SVEP1: variants seen among roughly 807,000 people sequenced by gnomAD.
The protein encoded by SVEP1 is sushi, von Willebrand factor type A, EGF and pentraxin domain-containing protein 1.
A neutral mutation model predicts 367.3 loss-of-function variants in SVEP1; 164 were observed. The ratio of observed to expected loss-of-function variants is 0.45; its 90% confidence interval spans 0.39 to 0.51. The LOEUF (loss-of-function observed/expected upper bound fraction) is 0.51, where lower values mean the gene tolerates loss of function less well. Among genes scored for constraint, SVEP1 ranks in the 20% least tolerant of loss-of-function variants. The pLI is 0.00. For synonymous variants in SVEP1, 1,666 were observed against 1,611.6 expected, an observed-to-expected ratio of 1.03 and a Z score of -0.81; for missense variants, 4,117 against 4,425.3, an observed-to-expected ratio of 0.93 and a Z score of 1.98.
intron 40 of SVEP1, among the ~76,000 whole-genome samples, chr9:110,393,533 T>A (rs10759428): frequency 6.6e-6 from 1 of 152,002 alleles, no homozygotes; most frequent in Non-Finnish European, 1.5e-5. Context: ...TGCAGTGCAC[T>A]GTGCACAAGC....
intron 2 of SVEP1, among the ~76,000 whole-genome samples, chr9:110,547,105 C>T (rs1830230090): frequency 6.6e-6 from 1 of 152,172 alleles, no homozygotes; most frequent in Non-Finnish European, 1.5e-5. Context: ...TGCAATTGGA[C>T]ACCTTGGAAG....
chr9:110,471,223 C>T (rs1359879545), intron 16 of SVEP1, 141 bp downstream of exon 16: 5 of 691,562 alleles, frequency 7.2e-6, no homozygotes, highest in African/African-American at 3.6e-5. Context: ...ACTCTTGAGA[C>T]AAAATAGTAA....
At position 110,415,690 on chromosome 9, in the gene SVEP1, C is replaced by T. The variant is rs536642243; in HGVS notation, c.5976-3955G>A. 2.6e-5 allele frequency among the ~76,000 whole-genome samples: 4 copies of T among 152,128 alleles called. No homozygotes were observed. The South Asian group carries it at 8.3e-4, about 32-fold the overall frequency. On this transcript the variant is annotated intron_variant, in intron 36 of 47. Transcript: ENST00000374469. ...ATGAGTGCTGACTTCTTGTTCTGCT[C>T]TACAACAGTCTGAAAACCCTCCCTC...
chr9:110,518,186 G>A (rs1411125351), intron 3 of SVEP1, among the ~76,000 whole-genome samples: 1 of 152,112 alleles, frequency 6.6e-6, no homozygotes, highest in Non-Finnish European at 1.5e-5. Context: ...ACTTTGGGAG[G>A]ATAAGGCGGG....
chr9:110,426,828 G>C (rs573932100), intron 36 of SVEP1, among the ~76,000 whole-genome samples: 2 of 152,064 alleles, frequency 1.3e-5, no homozygotes, highest in African/African-American at 4.8e-5. Context: ...TTCGTAATTT[G>C]TTACCTGGTT....
At chr9:110,482,060 T>G (rs543197056) in intron 11 of SVEP1, among the ~76,000 whole-genome samples, 1 of 152,276 alleles carries the variant, frequency 6.6e-6, no homozygotes, top group Non-Finnish European at 1.5e-5. Context: ...GATAACATTG[T>G]GCAGCAAATA....
chr9:110,408,085 C>G lies in SVEP1; in HGVS notation c.7515G>C (p.Leu2505Phe), dbSNP rs757500235. The G allele has an allele frequency of 2.5e-6, 4 of 1,613,366 alleles. No individual in the cohort carries two copies. In the Admixed American group the frequency reaches 6.7e-5, roughly 27 times the overall value. The change falls in exon 38 of 48, where the codon TTG becomes TTC. Residue 2505 changes from leucine (L) to phenylalanine (F), a missense_variant. Leu to Phe is a conservative substitution (Grantham distance 22). Around this residue, in one of 4 missense-constraint regions of SVEP1, gnomAD observed 1,765 missense variants for 1,781.1 expected, o/e 0.99. Coordinates refer to ENST00000374469, the MANE Select transcript of SVEP1 (RefSeq NM_153366.4). ...GGTCCGTGTAAGAGAATTTGCCATTCAAAATCTCCTTGGGTTTCAGGCACT... is the reference window on the plus strand; with the variant it reads ...GGTCCGTGTAAGAGAATTTGCCATTGAAAATCTCCTTGGGTTTCAGGCACT... Reference protein sequence around the residue: ...AIECLKPKEILNGKFSYTDLH... With the variant: ...AIECLKPKEIFNGKFSYTDLH...
At chr9:110,551,923 C>T (rs1310750435) in intron 1 of SVEP1, among the ~76,000 whole-genome samples, 3 of 152,008 alleles carry the variant, frequency 2.0e-5, no homozygotes, top group African/African-American at 4.8e-5. Context: ...GCATAGAGGT[C>T]CCCAGGTCCT....
intron 22 of SVEP1, among the ~76,000 whole-genome samples, chr9:110,453,808 G>T (rs2118621388): frequency 6.6e-6 from 1 of 151,720 alleles, no homozygotes; most frequent in East Asian, 1.9e-4. Flanking sequence ...GGCAGAGGTT[G>T]TAGTGAGCCG....
Position 110,375,287 on chromosome 9 carries a change from AGTCT to A in SVEP1, c.10600+77_10600+80del, listed in dbSNP as rs939426296. 2.4e-5 allele frequency: 16 copies of A among 674,306 alleles called. 1 individual carries two copies. Among genetic ancestry groups the A allele is most frequent in the Middle Eastern group, 4.3e-4 (1 of 2,320 alleles). 41.8% of individuals were successfully genotyped at this position (674,306 alleles called of 1,614,324 possible). On this transcript the variant is annotated intron_variant, in intron 46 of 47. Coordinates refer to ENST00000374469, the MANE Select transcript of SVEP1 (RefSeq NM_153366.4). ...CTTTTTCATTTTGCCACCACTTCTG[AGTCT>A]AAGTCACACTCTTCAATGTCCTCTG...
chr9:110,397,830 A>G (rs1473963259), intron 40 of SVEP1, among the ~76,000 whole-genome samples: 1 of 152,144 alleles, frequency 6.6e-6, no homozygotes, highest in African/African-American at 2.4e-5. Context: ...CCACTGCTCA[A>G]TGAAATAAAA....
intron 27 of SVEP1, among the ~76,000 whole-genome samples, chr9:110,438,342 C>T (rs1828462683): frequency 6.6e-6 from 1 of 151,782 alleles, no homozygotes; most frequent in Admixed American, 6.6e-5. Context: ...AGGTATGCAC[C>T]ACCATATCCG....
chr9:110,539,626 C>T (rs371517641), intron 3 of SVEP1, among the ~76,000 whole-genome samples: 1 of 95,554 alleles, frequency 1.0e-5, no homozygotes, highest in Admixed American at 1.1e-4. Context: ...TATATATATA[C>T]ACATATATGT....
chr9:110,432,543 T>C lies in SVEP1; in HGVS notation c.5152A>G (p.Asn1718Asp). The change falls in exon 31 of 48, where the codon AAT (asparagine) becomes GAT (aspartate). Residue 1718 changes from asparagine to aspartate, a missense_variant. By Grantham distance (23) the Asn-to-Asp change is conservative. Coordinates refer to ENST00000374469, the MANE Select transcript of SVEP1 (RefSeq NM_153366.4). Reference protein sequence around the residue: ...AGSTVTYQCNNGYYLLGDSRM... With the variant: ...AGSTVTYQCNDGYYLLGDSRM... The stretch of plus-strand genomic sequence containing the variant: ...GAGTCACCCAATAGATAGTAGCCAT[T>C]GTTGCACTGGTAGGTTACTGTGCTG... 3 of 1,613,934 alleles carry C rather than the reference T, an allele frequency of 1.9e-6. No homozygotes were observed. Among genetic ancestry groups the C allele is most frequent in the Non-Finnish European group, 2.5e-6 (3 of 1,179,828 alleles).
Position 110,389,552 on chromosome 9 carries a change from C to T in SVEP1, c.9858G>A (p.Gln3286=), listed in dbSNP as rs1827593006. ...NRERVCQENR[Q]WSGGVAICKE... Reference sequence around the variant, plus strand: ...TGCATATTGCCACCCCTCCACTCCACTGTCTGTTCTCCTGGCAGACACGTT... The same window carrying T: ...TGCATATTGCCACCCCTCCACTCCATTGTCTGTTCTCCTGGCAGACACGTT... Residue 3286 remains glutamine (Q), a synonymous_variant, in exon 41 of 48, where the codon CAG becomes CAA. Coordinates refer to ENST00000374469, the MANE Select transcript of SVEP1 (RefSeq NM_153366.4). The T allele has an allele frequency of 3.1e-6, 5 of 1,613,842 alleles. No individual in the cohort carries two copies. The highest frequency in any genetic ancestry group is 4.2e-6 in the Non-Finnish European group (5 of 1,179,828).
intron 9 of SVEP1, among the ~76,000 whole-genome samples, chr9:110,484,124 T>C (rs1293980066): frequency 6.6e-5 from 10 of 152,150 alleles, no homozygotes; most frequent in Admixed American, 5.2e-4. Flanking sequence ...CAAGGGCTAA[T>C]AGATGGCTAA....
intron 40 of SVEP1, among the ~76,000 whole-genome samples, chr9:110,396,128 C>T (rs1164179170): frequency 2.0e-5 from 3 of 152,166 alleles, no homozygotes; most frequent in African/African-American, 4.8e-5. Flanking sequence ...TGTAAAAGAA[C>T]AGAAATTATA....
intron 1 of SVEP1, among the ~76,000 whole-genome samples, chr9:110,574,044 A>T (rs1379584993): frequency 1.3e-5 from 2 of 152,234 alleles, no homozygotes; most frequent in Non-Finnish European, 2.9e-5. Flanking sequence ...CTACCCCTCG[A>T]GTTGTCCAAT....
chr9:110,389,279 T>C (rs1310077002), intron 41 of SVEP1, among the ~76,000 whole-genome samples: 1 of 152,138 alleles, frequency 6.6e-6, no homozygotes, highest in Non-Finnish European at 1.5e-5. Flanking sequence ...TTAAACAAAC[T>C]GTTTGCCATT....
Sources: gnomAD v4.1 joint callset for allele counts (sites outside exome capture counted in the v4.1 genomes callset) on GRCh38, gnomAD v4.1.1 for gene constraint, gnomAD v4.1.1 regional missense constraint, MANE v1.5 for transcripts, NCBI Gene and HGNC (gene_info 2026-07-23, HGNC 2026-07-21) for gene names.